The following MADD variants were observed in gnomAD, a reference collection of about 807,000 sequenced individuals.
MADD encodes MAP kinase activating death domain, also known as MAP kinase-activating death domain protein.
MADD carries 109 observed loss-of-function variants against 176.7 expected under a neutral mutation model. That is an observed-to-expected ratio of 0.62 (90% CI 0.53 to 0.72). The LOEUF (loss-of-function observed/expected upper bound fraction) is 0.72. MADD is among the 30% of genes least tolerant of loss of function. MADD has a pLI of 0.00. For missense variants in MADD, 1,914 were observed against 2,045.5 expected, an observed-to-expected ratio of 0.94 and a Z score of 1.24; for synonymous variants, 771 against 771.3, an observed-to-expected ratio of 1.00 and a Z score of 0.01.
intron 22 of MADD, among the ~76,000 whole-genome samples, chr11:47,304,470 A>G (rs2080908613): frequency 6.6e-6 from 1 of 152,082 alleles, no homozygotes; most frequent in Non-Finnish European, 1.5e-5. Context: ...ACCTCAGGCG[A>G]TCCACCCACC....
At chr11:47,295,631 T>G (rs1378391446) in intron 21 of MADD, 52 bp downstream of exon 23, 1 of 1,612,202 alleles carries the variant, frequency 6.2e-7, no homozygotes, top group South Asian at 1.1e-5. Context: ...GATTTCCCCT[T>G]TGGAAAAGGG....
chr11:47,273,367 C>T (rs868248462), intron 1 of MADD, among the ~76,000 whole-genome samples: 5 of 151,722 alleles, frequency 3.3e-5, no homozygotes, highest in African/African-American at 1.2e-4. Context: ...GAGACGGAGT[C>T]TCACTCTGTC....
At chr11:47,297,169 C>G (rs181592124) in intron 22 of MADD, among the ~76,000 whole-genome samples, 1 of 152,138 alleles carries the variant, frequency 6.6e-6, no homozygotes, top group Non-Finnish European at 1.5e-5. Flanking sequence ...AGAGCTTATA[C>G]GCATAGGTCC....
chr11:47,301,025 TCTC>T (rs1277282436), intron 22 of MADD, among the ~76,000 whole-genome samples: 2 of 151,590 alleles, frequency 1.3e-5, no homozygotes, highest in African/African-American at 2.4e-5. Flanking sequence ...TTTCACTCTC[TCTC>T]TTTTTTTTTT....
intron 25 of MADD, among the ~76,000 whole-genome samples, chr11:47,309,986 C>T (rs1041115111): frequency 3.3e-5 from 5 of 151,686 alleles, no homozygotes; most frequent in African/African-American, 9.7e-5. Flanking sequence ...CGATTACAGG[C>T]GCACACCACC....
chr11:47,311,686 G>C lies in MADD; in HGVS notation c.3979-46G>C, dbSNP rs1354274541. On this transcript the variant is annotated intron_variant, in intron 25 of 32. Coordinates refer to ENST00000402192, the Ensembl canonical transcript of MADD. The stretch of plus-strand genomic sequence containing the variant: ...CATTCTCTTTTCTCTACCTCAGTCG[G>C]GAGGAGAGCAGATCCCTTGTTAAGA... 3.4e-6 allele frequency: 4 copies of C among 1,180,090 alleles called. No individual in the cohort carries two copies. In the African/African-American group the frequency reaches 6.0e-5, roughly 18 times the overall value. The allele number at this position is 1,180,090 out of a possible 1,614,324, so 73.1% of individuals were successfully genotyped here. A position where few individuals can be genotyped will look rare whatever the true frequency, so the allele number is the denominator to read the frequency against.
chr11:47,320,141 T>C (rs962398091), intron 27 of MADD, among the ~76,000 whole-genome samples: 8 of 151,704 alleles, frequency 5.3e-5, no homozygotes, highest in African/African-American at 1.9e-4. Flanking sequence ...GTTTAACTAG[T>C]GCCTCTCACT....
rs1339708310 is a variant in MADD at position 47,294,650 on chromosome 11, G to A, written c.3402+667G>A. ...GCGCCACTGCACTCCAGCCTGTGCC[G>A]CAGAGTGAGACTCCGTCTCAAAAAA... On this transcript the variant is annotated intron_variant, in intron 20 of 32. Transcript: ENST00000402192. 9.9e-5 allele frequency among the ~76,000 whole-genome samples: 12 copies of A among 120,892 alleles called. No individual in the cohort carries two copies. In the East Asian group the frequency reaches 1.4e-3, roughly 14 times the overall value. 79.3% of individuals were successfully genotyped at this position (120,892 alleles called of 152,430 possible).
chr11:47,326,317 G>A (rs764081814), intron 30 of MADD, among the ~76,000 whole-genome samples: 5 of 152,220 alleles, frequency 3.3e-5, no homozygotes, highest in Admixed American at 6.5e-5. Context: ...AGGACAGTCT[G>A]AGGGGAGCTT....
chr11:47,309,565 T>C (rs1017594), exon 25 of MADD: 1,613,027 of 1,614,236 alleles, frequency 1, 805,913 homozygotes, highest in East Asian at 1. Flanking sequence ...AGATCGCTTG[T>C]TGGCCACACT....
intron 31 of MADD, 127 bp downstream of exon 35, chr11:47,326,934 T>A: frequency 6.8e-7 from 1 of 1,470,748 alleles, no homozygotes; most frequent in South Asian, 1.5e-5. Context: ...GGAGCAGGAG[T>A]GACAAGGAAG....
exon 33 of MADD, chr11:47,329,092 C>T (rs1213971567): frequency 5.2e-5 from 84 of 1,614,060 alleles, no homozygotes; most frequent in Non-Finnish European, 6.4e-5. Context: ...TCGTACGTGG[C>T]TGCAGTTCAT....
At chr11:47,274,427 C>G (rs1712847271) in intron 2 of MADD, 136 bp from the exon 3 acceptor site, 1 of 738,902 alleles carries the variant, frequency 1.4e-6, no homozygotes, top group South Asian at 1.7e-5. Flanking sequence ...GCAGGCAGCA[C>G]CCATATTTTC....
At chr11:47,279,103 A>C (rs749748537) in intron 7 of MADD, 24 bp downstream of exon 7, 1 of 1,606,924 alleles carries the variant, frequency 6.2e-7, no homozygotes, top group South Asian at 1.1e-5. Context: ...GAAGGAAAGA[A>C]AGGGGAGTAT....
intron 19 of MADD, among the ~76,000 whole-genome samples, chr11:47,293,284 C>A (rs1170059683): frequency 6.6e-6 from 1 of 151,594 alleles, no homozygotes; most frequent in Non-Finnish European, 1.5e-5. Context: ...GTGGTTTAGA[C>A]ATTTGTTCGT....
chr11:47,281,522 G>A, intron 7 of MADD, 53 bp from the exon 8 acceptor site: 5 of 1,434,044 alleles, frequency 3.5e-6, no homozygotes, highest in Non-Finnish European at 4.7e-6. Context: ...GTTAAGATTG[G>A]CTAGCTGCCC....
chr11:47,282,694 T>C, intron 9 of MADD, 78 bp downstream of exon 9: 1 of 1,589,122 alleles, frequency 6.3e-7, no homozygotes, highest in Non-Finnish European at 8.6e-7. Context: ...CCTTTGCTAA[T>C]GTTTGACCTG....
At chr11:47,293,856 G>A (rs776162600) in intron 19 of MADD, 27 bp from the exon 22 acceptor site, 50 of 1,465,770 alleles carry the variant, frequency 3.4e-5, no homozygotes, top group Non-Finnish European at 4.1e-5. Context: ...TTTGTGCACG[G>A]AGTAACAGAA....
rs142960070 is a variant in MADD at position 47,270,266 on chromosome 11, T to TG, written c.-89+24dup. 0.39 allele frequency: 59,235 copies of TG among 151,210 alleles called. 12,453 individuals are homozygous for TG. Among genetic ancestry groups the TG allele is most frequent in the East Asian group, 0.69 (3,540 of 5,106 alleles). The allele number at this position is 151,210 out of a possible 1,614,324, so 9.4% of individuals were successfully genotyped here. A position where few individuals can be genotyped will look rare whatever the true frequency, so the allele number is the denominator to read the frequency against. ...TGGGAGGTAGGAGAGTCTGGGCCGG[T>TG]GGGGTCCTGGGCGAGCGTCTGGGGA... On this transcript the variant is annotated intron_variant, in intron 1 of 32. Transcript: ENST00000402192.
Sources: allele counts gnomAD v4.1 joint callset (sites outside exome capture counted in the v4.1 genomes callset), GRCh38; gene constraint gnomAD v4.1.1; transcripts MANE v1.5; gene names NCBI Gene and HGNC (gene_info 2026-07-23, HGNC 2026-07-21).